The following NID1 variants were observed in gnomAD, a reference collection of about 807,000 sequenced individuals.
NID1 encodes nidogen 1.
In NID1, 76 loss-of-function variants were observed where a neutral mutation model predicts 130.6. The observed-to-expected ratio is 0.58, with a 90% CI of 0.48 to 0.70. The LOEUF (loss-of-function observed/expected upper bound fraction) is 0.70, where lower values mean the gene tolerates loss of function less well. NID1 is among the 30% of genes least tolerant of loss of function. NID1 has a pLI of 0.00. For synonymous variants in NID1, 665 were observed against 675.1 expected, an observed-to-expected ratio of 0.98 and a Z score of 0.23; for missense variants, 1,517 against 1,664.8, an observed-to-expected ratio of 0.91 and a Z score of 1.54.
intron 13 of NID1, among the ~76,000 whole-genome samples, chr1:235,993,400 T>C (rs577125762): frequency 6.8e-6 from 1 of 147,568 alleles, no homozygotes; most frequent in South Asian, 2.1e-4. Flanking sequence ...CCTACACGTG[T>C]GTGTGTTGGG....
At chr1:236,042,899 T>A (rs1659496251) in intron 3 of NID1, among the ~76,000 whole-genome samples, 1 of 152,206 alleles carries the variant, frequency 6.6e-6, no homozygotes, top group Admixed American at 6.5e-5. Flanking sequence ...GGTTGGAATG[T>A]CCAGCTTTCC....
In NID1 at chr1:235,979,933, G is replaced by GC; in HGVS notation, c.3397dup (p.Ala1133GlyfsTer78). On this transcript the variant is annotated frameshift_variant, in exon 18 of 20. Transcript: ENST00000264187. LOFTEE classifies it high-confidence loss of function. The surrounding 1 kb of genome is among the most constrained non-coding windows in gnomAD (Gnocchi z 4.6). ...GGGCTGACTGGGGTTCAGGCATTCC[G>GC]CCCGATTGGTGCCTGTGTGGAGTGG... The GC allele has an allele frequency of 1.9e-6, 3 of 1,613,964 alleles. No homozygotes were observed. Among genetic ancestry groups the GC allele is most frequent in the Non-Finnish European group, 2.5e-6 (3 of 1,179,906 alleles).
chr1:236,044,078 T>C (rs1416493014), intron 3 of NID1, among the ~76,000 whole-genome samples: 2 of 152,160 alleles, frequency 1.3e-5, no homozygotes, highest in African/African-American at 2.4e-5. Context: ...GGGACATACA[T>C]TACTCAGTGG....
chr1:236,029,823 G>A (rs1659046525), intron 6 of NID1, 73 bp from the exon 7 acceptor site: 1 of 1,451,052 alleles, frequency 6.9e-7, no homozygotes, highest in Admixed American at 1.8e-5. Context: ...GGCTCACAGT[G>A]TGGAGTGGGG....
chr1:235,980,790 G>T, intron 16 of NID1, 137 bp from the exon 17 acceptor site: 2 of 962,304 alleles, frequency 2.1e-6, no homozygotes, highest in Non-Finnish European at 3.0e-6. Flanking sequence ...AGGATCGAGA[G>T]GTGATAAAAC....
intron 14 of NID1, among the ~76,000 whole-genome samples, chr1:235,986,512 G>T (rs1302819313): frequency 6.6e-5 from 10 of 151,596 alleles, no homozygotes; most frequent in Non-Finnish European, 2.9e-5. Flanking sequence ...ATAAAACATT[G>T]CAGCATGAAA....
intron 15 of NID1, among the ~76,000 whole-genome samples, chr1:235,983,289 C>A (rs1452367077): frequency 1.3e-5 from 2 of 152,164 alleles, no homozygotes; most frequent in African/African-American, 2.4e-5. Flanking sequence ...CACATCAGAG[C>A]CCCCAGAAAG....
Position 236,017,240 on chromosome 1 carries a change from C to T in NID1, c.2162G>A (p.Cys721Tyr). ...IDECSEQPSV[C>Y]GSHTICNNHP... ...ATTATTGCAGATTGTGTGGCTCCCA[C>T]ACACTGAGGGTTGTTCTGAACATTC... Residue 721 changes from cysteine to tyrosine, a missense_variant, in exon 10 of 20, where the codon TGT (cysteine) becomes TAT (tyrosine). Cys to Tyr is a radical substitution (Grantham distance 194). Transcript: ENST00000264187. 6.2e-7 allele frequency: 1 copy of T among 1,614,164 alleles called. No individual in the cohort carries two copies. Among genetic ancestry groups the T allele is most frequent in the South Asian group, 1.1e-5 (1 of 91,072 alleles).
chr1:236,042,233 G>A lies in NID1; in HGVS notation c.812C>T (p.Thr271Ile), dbSNP rs757010919. The A allele has an allele frequency of 2.4e-5, 38 of 1,611,120 alleles. No homozygotes were observed. Among genetic ancestry groups the A allele is most frequent in the Non-Finnish European group, 3.2e-5 (38 of 1,180,010 alleles). The part of the protein sequence containing the change: ...WVFEIGSPAT[T>I]NGVVPADVIL... ...CACGTCTGCAGGCACCACGCCATTGGTGGTGGCTGGACTCCCAATCTCAAA... is the reference window on the plus strand; with the variant it reads ...CACGTCTGCAGGCACCACGCCATTGATGGTGGCTGGACTCCCAATCTCAAA... Residue 271 changes from threonine to isoleucine, a missense_variant, in exon 4 of 20, where the codon ACC becomes ATC. Transcript: ENST00000264187.
At chr1:236,039,536 A>G (rs1659387279) in intron 4 of NID1, among the ~76,000 whole-genome samples, 1 of 152,202 alleles carries the variant, frequency 6.6e-6, no homozygotes, top group African/African-American at 2.4e-5. Flanking sequence ...GAAAAAGAAC[A>G]TCTCCCTATT....
chr1:236,015,546 C>T (rs1167776136), intron 10 of NID1, among the ~76,000 whole-genome samples: 1 of 149,372 alleles, frequency 6.7e-6, no homozygotes, highest in South Asian at 2.1e-4. Context: ...ACTTGGGAGA[C>T]TGAGGCAGGA....
intron 9 of NID1, among the ~76,000 whole-genome samples, chr1:236,019,779 G>T (rs1658700163): frequency 1.3e-5 from 2 of 152,024 alleles, no homozygotes; most frequent in Admixed American, 1.3e-4. Flanking sequence ...CGGTGGCTCA[G>T]GCCTGTAACC....
At chr1:236,008,379 C>A (rs948666395) in intron 12 of NID1, among the ~76,000 whole-genome samples, 4 of 152,228 alleles carry the variant, frequency 2.6e-5, no homozygotes, top group Non-Finnish European at 4.4e-5. Context: ...CTAGCCCCTT[C>A]TGTATACAGT....
chr1:236,025,895 C>A lies in NID1; in HGVS notation c.1984+1G>T. ...GCCCAGCATGAGCTGTATCCCCTTA[C>A]CCCTCACAGGCCCAATGGAGTTGCT... On this transcript the variant is annotated splice_donor_variant, in intron 8 of 19. Coordinates refer to ENST00000264187, the MANE Select transcript of NID1 (RefSeq NM_002508.3). LOFTEE classifies it high-confidence loss of function. The A allele has an allele frequency of 1.2e-6, 2 of 1,613,870 alleles. No individual in the cohort carries two copies. The highest frequency in any genetic ancestry group is 1.7e-6 in the Non-Finnish European group (2 of 1,179,860).
At position 236,026,281 on chromosome 1, in the gene NID1, G is replaced by T. The variant is rs982820785; in HGVS notation, c.1739-140C>A. 8.8e-6 allele frequency: 9 copies of T among 1,023,778 alleles called. No individual in the cohort carries two copies. The African/African-American group carries it at 1.4e-4, about 16-fold the overall frequency. The allele number at this position is 1,023,778 out of a possible 1,614,324, so 63.4% of individuals were successfully genotyped here. ...AGGCTACCAGATGACAGACCAGACA[G>T]AACAGCTTAAATAAGACCATTTGTT... On this transcript the variant is annotated intron_variant, in intron 7 of 19. Transcript: ENST00000264187.
intron 12 of NID1, among the ~76,000 whole-genome samples, chr1:236,004,032 C>CAAAA (rs36021098): frequency 1.7e-5 from 2 of 116,404 alleles, no homozygotes; most frequent in African/African-American, 3.3e-5. Context: ...GACTCTGTCT[C>CAAAA]AAAAAAAAAA....
chr1:235,981,989 A>T (rs715957), intron 15 of NID1, among the ~76,000 whole-genome samples: 1 of 152,080 alleles, frequency 6.6e-6, no homozygotes, highest in South Asian at 2.1e-4. Flanking sequence ...CTCTGTGGGT[A>T]TCCATCATGC....
chr1:236,064,725 C>T, intron 1 of NID1, 130 bp downstream of exon 1: 2 of 749,618 alleles, frequency 2.7e-6, no homozygotes, highest in Non-Finnish European at 4.2e-6. Context: ...GACCCTGCGC[C>T]GTGCCCGGTG....
At chr1:236,043,793 A>G (rs1207446427) in intron 3 of NID1, among the ~76,000 whole-genome samples, 2 of 152,026 alleles carry the variant, frequency 1.3e-5, no homozygotes, top group Non-Finnish European at 2.9e-5. Flanking sequence ...GCAAGACTCC[A>G]TCTCAAAACA....
Sources: allele counts gnomAD v4.1 joint callset (sites outside exome capture counted in the v4.1 genomes callset), GRCh38; gene constraint gnomAD v4.1.1; non-coding constraint Gnocchi (gnomAD v3.1); transcripts MANE v1.5; gene names NCBI Gene and HGNC (gene_info 2026-07-23, HGNC 2026-07-21).